The following PGAP1 variants were observed in gnomAD, a reference collection of about 807,000 sequenced individuals.
The protein encoded by PGAP1 is post-GPI attachment to proteins inositol deacylase 1.
In PGAP1, 76 loss-of-function variants were observed where a neutral mutation model predicts 127.0. That is an observed-to-expected ratio of 0.60 (90% CI 0.50 to 0.72). PGAP1 has a LOEUF of 0.72. PGAP1 is among the 30% of genes least tolerant of loss of function. PGAP1 has a pLI of 0.00. For synonymous variants in PGAP1, 362 were observed against 366.5 expected, an observed-to-expected ratio of 0.99 and a Z score of 0.14; for missense variants, 982 against 1,071.3, an observed-to-expected ratio of 0.92 and a Z score of 1.16.
chr2:196,868,538 T>C (rs76152058), intron 19 of PGAP1, among the ~76,000 whole-genome samples: 1,537 of 152,296 alleles, frequency 0.01, 22 homozygotes, highest in African/African-American at 0.035. Context: ...AAAATTAAAA[T>C]ATTTCATCTA....
chr2:196,841,084 A>G lies in PGAP1; in HGVS notation c.*150T>C, dbSNP rs61742712. On this transcript the variant is annotated 3_prime_UTR_variant, in exon 27 of 27. Transcript: ENST00000354764. ...CATGCTTCAACTACTTCCCTCAAACATTACAAAACTAATTTCCTATTTTCA... is the reference window on the plus strand; with the variant it reads ...CATGCTTCAACTACTTCCCTCAAACGTTACAAAACTAATTTCCTATTTTCA... 2,487 of 926,846 alleles carry G rather than the reference A, an allele frequency of 2.7e-3. 44 individuals are homozygous for G. The African/African-American group carries it at 0.037, about 14-fold the overall frequency. The allele number at this position is 926,846 out of a possible 1,614,324, so 57.4% of individuals were successfully genotyped here. A position where few individuals can be genotyped will look rare whatever the true frequency, so the allele number is the denominator to read the frequency against.
At chr2:196,845,020 G>C (rs1480636997) in intron 23 of PGAP1, among the ~76,000 whole-genome samples, 1 of 151,898 alleles carries the variant, frequency 6.6e-6, no homozygotes, top group East Asian at 1.9e-4. Context: ...ATTATATACA[G>C]TGGTGAAATG....
intron 4 of PGAP1, among the ~76,000 whole-genome samples, chr2:196,911,744 G>A (rs1702827795): frequency 6.6e-6 from 1 of 151,734 alleles, no homozygotes; most frequent in Non-Finnish European, 1.5e-5. Flanking sequence ...TATAAGCAGT[G>A]AGGATAATCT....
Position 196,833,193 on chromosome 2 carries a change from T to C in PGAP1, c.*8041A>G, listed in dbSNP as rs1193207860. ...TCACAACACACTCTACAGAATATAG[T>C]AAGTAGTACTTTTTGTGAATTACAA... On this transcript the variant is annotated 3_prime_UTR_variant, in exon 27 of 27. Transcript: ENST00000354764. The C allele has an allele frequency of 6.6e-6, 1 of 152,556 alleles. No individual in the cohort carries two copies. The highest frequency in any genetic ancestry group is 6.5e-5 in the Admixed American group (1 of 15,272). 9.5% of individuals were successfully genotyped at this position (152,556 alleles called of 1,614,324 possible).
intron 1 of PGAP1, among the ~76,000 whole-genome samples, chr2:196,923,790 A>G (rs943981258): frequency 6.6e-6 from 1 of 152,006 alleles, no homozygotes; most frequent in African/African-American, 2.4e-5. Context: ...CCTCCTGAGT[A>G]CCTGCGACTA....
At chr2:196,868,077 G>A (rs1171856948) in intron 19 of PGAP1, among the ~76,000 whole-genome samples, 2 of 152,116 alleles carry the variant, frequency 1.3e-5, no homozygotes, top group Non-Finnish European at 2.9e-5. Flanking sequence ...CTAGCTCTGT[G>A]TCCTTGGGCA....
chr2:196,922,637 A>C, intron 1 of PGAP1: 1 of 641,726 alleles, frequency 1.6e-6, no homozygotes, highest in Non-Finnish European at 1.9e-6. Context: ...AGAGAGAGAC[A>C]TCCTTTAAAA....
At chr2:196,894,385 G>C (rs1287290677) in intron 7 of PGAP1, among the ~76,000 whole-genome samples, 3 of 152,204 alleles carry the variant, frequency 2.0e-5, no homozygotes, top group Non-Finnish European at 4.4e-5. Flanking sequence ...GTGGAGGACA[G>C]TGGAACTTTT....
rs554299261 is a variant in PGAP1, at chr2:196,877,772, T to C, written c.1351-1951A>G. On this transcript the variant is annotated intron_variant, in intron 13 of 26. Transcript: ENST00000354764. ...CTGATTATTTTGGCTACAAATCTTA[T>C]GAACCTTCTCAGTCAATAAACATTT... 2.0e-5 allele frequency: 3 copies of C among 152,272 alleles called. No individual in the cohort carries two copies. The East Asian group carries it at 5.8e-4, about 29-fold the overall frequency. The allele number at this position is 152,272 out of a possible 1,614,324, so 9.4% of individuals were successfully genotyped here.
intron 1 of PGAP1, among the ~76,000 whole-genome samples, chr2:196,923,774 C>A (rs1165577369): frequency 6.6e-6 from 1 of 152,060 alleles, no homozygotes; most frequent in African/African-American, 2.4e-5. Context: ...GATTCTCCAG[C>A]CTCAGCCTCC....
chr2:196,875,709 A>G (rs769014110), intron 14 of PGAP1, 37 bp downstream of exon 14: 3 of 1,150,274 alleles, frequency 2.6e-6, no homozygotes, highest in Non-Finnish European at 3.9e-6. Context: ...TTAAAAATAA[A>G]AGCAATTCTT....
intron 8 of PGAP1, 65 bp downstream of exon 8, chr2:196,893,075 C>T: frequency 1.0e-6 from 1 of 975,200 alleles, no homozygotes; most frequent in African/African-American, 1.7e-5. Flanking sequence ...CTGCTATAAA[C>T]AAATTTACCT....
chr2:196,894,759 G>T (rs1020915757), intron 7 of PGAP1, among the ~76,000 whole-genome samples: 1 of 152,040 alleles, frequency 6.6e-6, no homozygotes, highest in African/African-American at 2.4e-5. Context: ...CCGAGATCGC[G>T]CCACTGCACT....
At chr2:196,888,924 T>C (rs1446643363) in intron 10 of PGAP1, among the ~76,000 whole-genome samples, 1 of 152,194 alleles carries the variant, frequency 6.6e-6, no homozygotes. Flanking sequence ...AATAAATAAA[T>C]GATTTAAGAA....
intron 4 of PGAP1, 22 bp from the exon 5 acceptor site, chr2:196,902,764 A>C: frequency 6.4e-7 from 1 of 1,558,870 alleles, no homozygotes; most frequent in Middle Eastern, 1.7e-4. Flanking sequence ...TAAAAAAGAG[A>C]CATTAAAAAA....
rs200446296 is a variant in PGAP1, at chr2:196,913,065, A to C, written c.478-12T>G. 6.3e-7 allele frequency: 1 copy of C among 1,590,806 alleles called. No individual in the cohort carries two copies. The highest frequency in any genetic ancestry group is 8.6e-7 in the Non-Finnish European group (1 of 1,167,488). On this transcript the variant is annotated splice_polypyrimidine_tract_variant and intron_variant, in intron 3 of 26. Coordinates refer to ENST00000354764, the MANE Select transcript of PGAP1 (RefSeq NM_024989.4). ...GCAAATTCTTGACCCTATTAAAATA[A>C]ATCACCAGGTCATAATTGCGGCTTT... is the stretch of plus-strand genomic sequence containing the variant.
chr2:196,885,757 T>C, intron 11 of PGAP1, 77 bp downstream of exon 11: 2 of 900,474 alleles, frequency 2.2e-6, no homozygotes, highest in Non-Finnish European at 3.1e-6. Context: ...AATAACAATG[T>C]ATGAAACTAT....
Position 196,896,828 on chromosome 2 carries a change from T to TAAA in PGAP1, c.927+300_927+302dup, listed in dbSNP as rs566717804. 9.9e-5 allele frequency among the ~76,000 whole-genome samples: 9 copies of TAAA among 90,594 alleles called. 1 individual carries two copies. The highest frequency in any genetic ancestry group is 1.8e-4 in the African/African-American group (4 of 21,808). 59.4% of individuals were successfully genotyped at this position (90,594 alleles called of 152,430 possible). A position where few individuals can be genotyped will look rare whatever the true frequency, so the allele number is the denominator to read the frequency against. On this transcript the variant is annotated intron_variant, in intron 7 of 26. Coordinates refer to ENST00000354764, the MANE Select transcript of PGAP1 (RefSeq NM_024989.4). ...TGTGCAACAGAGTGAGACTCCATCT[T>TAAA]AAAAAAAAAAAAAAAAAAAAAAAGG... is the stretch of plus-strand genomic sequence containing the variant.
chr2:196,885,361 A>G, intron 12 of PGAP1, 63 bp downstream of exon 12: 1 of 1,069,168 alleles, frequency 9.4e-7, no homozygotes, highest in Non-Finnish European at 1.4e-6. Context: ...GAATATTTTA[A>G]AATGTGTATA....
Sources: gnomAD v4.1 joint callset for allele counts (sites outside exome capture counted in the v4.1 genomes callset) on GRCh38, gnomAD v4.1.1 for gene constraint, MANE v1.5 for transcripts, NCBI Gene and HGNC (gene_info 2026-07-23, HGNC 2026-07-21) for gene names.